The following FOCAD variants were observed in gnomAD, a reference collection of about 807,000 sequenced individuals.
FOCAD encodes KIAA1797.
FOCAD carries 198 observed loss-of-function variants against 225.6 expected under a neutral mutation model. The ratio of observed to expected loss-of-function variants is 0.88; its 90% CI spans 0.78 to 0.99. The LOEUF is 0.99. Ranked by LOEUF, FOCAD falls within the 50% of genes least tolerant of loss-of-function variation. The probability of loss-of-function intolerance (pLI) is 0.00; values close to 1 mark genes in which losing one functional copy is unlikely to be tolerated. For synonymous variants in FOCAD, 897 were observed against 755.0 expected, an observed-to-expected ratio of 1.19 and a Z score of -3.08; for missense variants, 2,713 against 2,123.6, an observed-to-expected ratio of 1.28 and a Z score of -5.46.
At chr9:20,919,369 C>T (rs1168264172) in intron 24 of FOCAD, among the ~76,000 whole-genome samples, 4 of 152,262 alleles carry the variant, frequency 2.6e-5, no homozygotes, top group Middle Eastern at 6.8e-3. Flanking sequence ...GAATCAATAT[C>T]GTGAAAATGG....
At chr9:20,820,572 A>T in intron 13 of FOCAD, 147 bp downstream of exon 13, 1 of 623,982 alleles carries the variant, frequency 1.6e-6, no homozygotes, top group Non-Finnish European at 2.7e-6. Flanking sequence ...ATTTATTGTG[A>T]TGCATTTGTA....
At chr9:20,807,601 G>T (rs1389580313) in intron 11 of FOCAD, among the ~76,000 whole-genome samples, 1 of 152,164 alleles carries the variant, frequency 6.6e-6, no homozygotes, top group Non-Finnish European at 1.5e-5. Context: ...CCCAAATCTG[G>T]TATGTATTTT....
At chr9:20,796,189 C>A (rs1412717062) in intron 11 of FOCAD, among the ~76,000 whole-genome samples, 1 of 152,102 alleles carries the variant, frequency 6.6e-6, no homozygotes, top group Non-Finnish European at 1.5e-5. Context: ...ATATATGTGC[C>A]ACATTTTCTT....
intron 11 of FOCAD, among the ~76,000 whole-genome samples, chr9:20,801,276 T>C (rs1399248067): frequency 6.6e-6 from 1 of 152,164 alleles, no homozygotes. Context: ...GGTTTTATAA[T>C]GATTAAGTCA....
Position 20,862,694 on chromosome 9 carries a change from C to G in FOCAD, c.2037C>G (p.Val679=). 6.2e-7 allele frequency: 1 copy of G among 1,612,346 alleles called. No homozygotes were observed. Among genetic ancestry groups the G allele is most frequent in the Non-Finnish European group, 8.5e-7 (1 of 1,179,126 alleles). Residue 679 remains valine, a synonymous_variant, in exon 16 of 44, where the codon GTC becomes GTG. Coordinates refer to ENST00000338382, the MANE Select transcript of FOCAD (RefSeq NM_001375567.1). ...TTTCTCTAGTTCCTTCCTTAACGGT[C>G]AATACAACTGAATATGAGGTATGCA... is the stretch of plus-strand genomic sequence containing the variant. ...ELFSLVPSLT[V]NTTEYENFKV...
At chr9:20,934,724 C>A (rs1009436078) in intron 28 of FOCAD, among the ~76,000 whole-genome samples, 1 of 152,058 alleles carries the variant, frequency 6.6e-6, no homozygotes, top group Non-Finnish European at 1.5e-5. Flanking sequence ...GCTATGTGGA[C>A]TTCTTCAGAA....
intron 21 of FOCAD, among the ~76,000 whole-genome samples, chr9:20,892,429 G>C (rs1403782171): frequency 6.6e-6 from 1 of 152,134 alleles, no homozygotes; most frequent in Admixed American, 6.6e-5. Flanking sequence ...TATATGAAGA[G>C]GTCAAGATAT....
At chr9:20,777,569 G>A (rs1818892157) in intron 8 of FOCAD, among the ~76,000 whole-genome samples, 1 of 151,630 alleles carries the variant, frequency 6.6e-6, no homozygotes, top group Middle Eastern at 3.4e-3. Context: ...TATGGTCATT[G>A]CTCTGCTACA....
In FOCAD at chr9:20,987,891, G is replaced by A. The variant is rs201817306; in HGVS notation, c.4907-441G>A. 2.0e-5 allele frequency among the ~76,000 whole-genome samples: 3 copies of A among 152,258 alleles called. No individual in the cohort carries two copies. In the East Asian group the frequency reaches 5.8e-4, roughly 29 times the overall value. On this transcript the variant is annotated intron_variant, in intron 40 of 43. Transcript: ENST00000338382. ...AATGGAAATATAATGGCTGTATTTT[G>A]TTTTTCTTTACATGTCTTTGGGTTA...
chr9:20,656,260 T>TG (rs1362714430), upstream of FOCAD, among the ~76,000 whole-genome samples: 2 of 151,630 alleles, frequency 1.3e-5, no homozygotes, highest in Non-Finnish European at 2.9e-5. Flanking sequence ...TCTGTTGATT[T>TG]GGGGTGGAGA....
chr9:20,993,141 G>A (rs1587809559), intron 42 of FOCAD, 112 bp from the exon 43 acceptor site: 13 of 768,318 alleles, frequency 1.7e-5, no homozygotes, highest in Non-Finnish European at 2.6e-5. Flanking sequence ...CCCAGCTACT[G>A]GGGAGGCTGA....
At chr9:20,989,517 G>A (rs759384420) in intron 41 of FOCAD, among the ~76,000 whole-genome samples, 15 of 152,088 alleles carry the variant, frequency 9.9e-5, no homozygotes, top group Non-Finnish European at 5.9e-5. Flanking sequence ...TCCTGGACAG[G>A]TGTTTAAAAT....
chr9:20,948,404 C>A lies in FOCAD; in HGVS notation c.3798+11C>A. ...ATTGTTCTAACAGAGGTAGAGGTCACCTGTTGTATGCTATTTCATATTTTT... is the reference window on the plus strand; with the variant it reads ...ATTGTTCTAACAGAGGTAGAGGTCAACTGTTGTATGCTATTTCATATTTTT... On this transcript the variant is annotated intron_variant, in intron 31 of 43. Transcript: ENST00000338382. 3 of 1,606,962 alleles carry A rather than the reference C, an allele frequency of 1.9e-6. No homozygotes were observed. Among genetic ancestry groups the A allele is most frequent in the Non-Finnish European group, 2.5e-6 (3 of 1,176,724 alleles).
intron 15 of FOCAD, among the ~76,000 whole-genome samples, chr9:20,834,334 G>A (rs542269136): frequency 2.6e-5 from 4 of 152,132 alleles, no homozygotes; most frequent in Admixed American, 1.3e-4. Context: ...GAGAAGAATA[G>A]CTAATGTGTG....
At chr9:20,924,058 C>T (rs954778489) in intron 25 of FOCAD, among the ~76,000 whole-genome samples, 1 of 152,142 alleles carries the variant, frequency 6.6e-6, no homozygotes, top group African/African-American at 2.4e-5. Context: ...ACAAGGTTAA[C>T]TAGGCTTACT....
chr9:20,672,239 G>T (rs1822085560), intron 2 of FOCAD, among the ~76,000 whole-genome samples: 1 of 152,134 alleles, frequency 6.6e-6, no homozygotes, highest in African/African-American at 2.4e-5. Context: ...TCAGAAGGTT[G>T]AATTATAATT....
chr9:20,797,426 A>G (rs1315140630), intron 11 of FOCAD, among the ~76,000 whole-genome samples: 1 of 152,134 alleles, frequency 6.6e-6, no homozygotes, highest in African/African-American at 2.4e-5. Context: ...CATTTTCACG[A>G]TATTGATTCT....
chr9:20,778,695 A>G lies in FOCAD; in HGVS notation c.921A>G (p.Glu307=). The part of the protein sequence containing the change: ...VELLKEDFPV[E]LVIIGIALLL... ...TATTCTTTTAGGATTTTCCTGTTGA[A>G]CTGGTCATAATTGGAATAGCTTTAC... The change falls in exon 9 of 44, where the codon GAA becomes GAG. Residue 307 remains glutamate, a synonymous_variant. Transcript: ENST00000338382. 6.2e-7 allele frequency: 1 copy of G among 1,609,402 alleles called. No homozygotes were observed. The highest frequency in any genetic ancestry group is 8.5e-7 in the Non-Finnish European group (1 of 1,176,276).
chr9:20,656,026 T>C (rs1458482254), upstream of FOCAD, among the ~76,000 whole-genome samples: 23 of 151,908 alleles, frequency 1.5e-4, no homozygotes, highest in Admixed American at 1.0e-3. Context: ...GCCTTCATTT[T>C]GTTATGTACC....
Sources: gnomAD v4.1 joint callset for allele counts (sites outside exome capture counted in the v4.1 genomes callset) on GRCh38, gnomAD v4.1.1 for gene constraint, MANE v1.5 for transcripts, NCBI Gene and HGNC (gene_info 2026-07-23, HGNC 2026-07-21) for gene names.